FBXO34: variants seen among roughly 807,000 people sequenced by gnomAD.
FBXO34 encodes the protein F-box protein 34.
A neutral mutation model predicts 24.5 loss-of-function variants in FBXO34; 12 were observed. That is an observed-to-expected ratio of 0.49 (90% CI 0.31 to 0.79). The LOEUF (loss-of-function observed/expected upper bound fraction) is 0.79, where lower values mean the gene tolerates loss of function less well. Among genes scored for constraint, FBXO34 ranks in the 30% least tolerant of loss-of-function variants. FBXO34 has a pLI of 0.04. For synonymous variants in FBXO34, 320 were observed against 311.9 expected (o/e 1.03, Z -0.27); for missense variants, 823 against 857.7 (o/e 0.96, Z 0.51).
the FBXO34 span, among the ~76,000 whole-genome samples, chr14:55,431,446 T>A: frequency 6.6e-6 from 1 of 152,252 alleles, no homozygotes; most frequent in Non-Finnish European, 1.5e-5. Flanking sequence ...AATGTGACCA[T>A]CCTTTCAGCT....
intron 1 of FBXO34, chr14:55,299,012 T>C: frequency 6.2e-7 from 1 of 1,609,060 alleles, no homozygotes; most frequent in Non-Finnish European, 8.5e-7. Flanking sequence ...TGCAGGACAT[T>C]GCTGACCAGC....
At chr14:55,417,841 G>A in the FBXO34 span, among the ~76,000 whole-genome samples, 1 of 152,264 alleles carries the variant, frequency 6.6e-6, no homozygotes, top group East Asian at 1.9e-4. Context: ...AAAATTGTGT[G>A]GCCTGGTGCA....
chr14:55,391,426 A>C, the FBXO34 span: 1 of 149,098 alleles, frequency 6.7e-6, no homozygotes, highest in Non-Finnish European at 1.5e-5. Flanking sequence ...CAGTGAGCCG[A>C]GATCACGCCA....
chr14:55,383,110 G>A, the FBXO34 span, among the ~76,000 whole-genome samples: 1 of 152,162 alleles, frequency 6.6e-6, no homozygotes, highest in African/African-American at 2.4e-5. Context: ...GCTTTTCCTT[G>A]AGCCAGCAAT....
chr14:55,351,067 C>CA lies in FBXO34; in HGVS notation c.683dup (p.Asn228LysfsTer23). 6.2e-7 allele frequency: 1 copy of CA among 1,614,182 alleles called. No homozygotes were observed. The highest frequency in any genetic ancestry group is 8.5e-7 in the Non-Finnish European group (1 of 1,180,030). On this transcript the variant is annotated frameshift_variant, in exon 2 of 2. Transcript: ENST00000313833. LOFTEE classifies it low-confidence loss of function (END_TRUNC). ...GCCAGTGCTCTGCTAGCTAGCTGTT[C>CA]AAAAAACTGCACAAACTCACCTGCA...
intron 3 of FBXO34, among the ~76,000 whole-genome samples, chr14:55,359,301 TC>T (rs1003166027): frequency 6.6e-6 from 1 of 151,988 alleles, no homozygotes; most frequent in African/African-American, 2.4e-5. Flanking sequence ...AACTTGATGA[TC>T]CCTAGGAGGC....
At chr14:55,427,679 G>A in the FBXO34 span, among the ~76,000 whole-genome samples, 1 of 152,118 alleles carries the variant, frequency 6.6e-6, no homozygotes, top group African/African-American at 2.4e-5. Context: ...CCTGCTCTCT[G>A]AGGGCCTGGG....
the FBXO34 span, among the ~76,000 whole-genome samples, chr14:55,404,505 T>C: frequency 2.0e-5 from 3 of 152,226 alleles, no homozygotes; most frequent in Non-Finnish European, 4.4e-5. Context: ...ATTACTTTTA[T>C]ATAATCACAT....
chr14:55,425,621 GA>G, the FBXO34 span, among the ~76,000 whole-genome samples: 1 of 152,140 alleles, frequency 6.6e-6, no homozygotes, highest in Non-Finnish European at 1.5e-5. Flanking sequence ...CACAAAGATT[GA>G]GAATATCGAA....
At chr14:55,428,733 C>A in the FBXO34 span, 1 of 1,410,342 alleles carries the variant, frequency 7.1e-7, no homozygotes, top group Non-Finnish European at 9.6e-7. Flanking sequence ...CTGAAAGATA[C>A]TTTACGTAAG....
chr14:55,387,376 GCTAT>G, the FBXO34 span, among the ~76,000 whole-genome samples: 2 of 152,116 alleles, frequency 1.3e-5, no homozygotes, highest in African/African-American at 4.8e-5. Flanking sequence ...TAACACTCAG[GCTAT>G]CTATTTGCTC....
chr14:55,296,022 T>A (rs1882109030), intron 1 of FBXO34, among the ~76,000 whole-genome samples: 1 of 152,184 alleles, frequency 6.6e-6, no homozygotes, highest in African/African-American at 2.4e-5. Flanking sequence ...GCACAGTGGC[T>A]TGCACCTGTA....
At chr14:55,402,950 T>A in the FBXO34 span, among the ~76,000 whole-genome samples, 18 of 63,670 alleles carry the variant, frequency 2.8e-4, no homozygotes, top group African/African-American at 8.4e-4. Context: ...TATATATATA[T>A]ATATATATAT....
chr14:55,379,667 G>A, the FBXO34 span, among the ~76,000 whole-genome samples: 1 of 152,204 alleles, frequency 6.6e-6, no homozygotes, highest in African/African-American at 2.4e-5. Flanking sequence ...GATAGTTGGA[G>A]GGTAGTAGGA....
intron 1 of FBXO34, among the ~76,000 whole-genome samples, chr14:55,307,199 G>A (rs555487498): frequency 6.6e-6 from 1 of 152,260 alleles, no homozygotes; most frequent in Non-Finnish European, 1.5e-5. Context: ...GGGCATGACA[G>A]ATAATGGTTC....
At chr14:55,422,488 A>G in the FBXO34 span, among the ~76,000 whole-genome samples, 1 of 152,198 alleles carries the variant, frequency 6.6e-6, no homozygotes, top group Admixed American at 6.5e-5. Flanking sequence ...TGACCTCATA[A>G]TTCGCCTGCC....
At chr14:55,359,589 C>T (rs1171423465) in intron 3 of FBXO34, among the ~76,000 whole-genome samples, 1 of 152,176 alleles carries the variant, frequency 6.6e-6, no homozygotes, top group Non-Finnish European at 1.5e-5. Context: ...GACGACTGAT[C>T]AGAGTTGGTG....
At chr14:55,427,899 G>A in the FBXO34 span, among the ~76,000 whole-genome samples, 1 of 51,970 alleles carries the variant, frequency 1.9e-5, no homozygotes, top group Non-Finnish European at 4.0e-5. Context: ...TTTTTTTTTT[G>A]AGACGGAGTC....
chr14:55,276,641 G>A (rs545176690), intron 1 of FBXO34, among the ~76,000 whole-genome samples: 3 of 152,180 alleles, frequency 2.0e-5, no homozygotes, highest in African/African-American at 7.2e-5. Flanking sequence ...GAGGAAGCGG[G>A]GGGGTCTAGT....
Sources: gnomAD v4.1 joint callset for allele counts (sites outside exome capture counted in the v4.1 genomes callset) on GRCh38, gnomAD v4.1.1 for gene constraint, MANE v1.5 for transcripts, NCBI Gene and HGNC (gene_info 2026-07-23, HGNC 2026-07-21) for gene names.